Variants in ASTN2 observed in about 807,000 individuals in gnomAD.
ASTN2 encodes astrotactin-2.
A neutral mutation model predicts 139.8 loss-of-function variants in ASTN2; 54 were observed. That is an observed-to-expected ratio of 0.39 (90% CI 0.31 to 0.48). ASTN2 has a LOEUF of 0.48. ASTN2 is among the 20% of genes least tolerant of loss of function. The pLI is 0.95. For synonymous variants in ASTN2, 756 were observed against 719.5 expected (o/e 1.05, Z -0.81); for missense variants, 1,565 against 1,725.1 (o/e 0.91, Z 1.64).
chr9:116,457,801 A>G (rs1407777007), intron 20 of ASTN2, among the ~76,000 whole-genome samples: 1 of 152,160 alleles, frequency 6.6e-6, no homozygotes, highest in African/African-American at 2.4e-5. Flanking sequence ...GAGATTCCTC[A>G]AAACACTAAA....
At chr9:116,718,421 C>G (rs1228914947) in intron 16 of ASTN2, among the ~76,000 whole-genome samples, 2 of 152,128 alleles carry the variant, frequency 1.3e-5, no homozygotes, top group African/African-American at 4.8e-5. Flanking sequence ...GACAAGGCAC[C>G]TAGAAGTTTT....
Position 116,426,063 on chromosome 9 carries a change from G to A in ASTN2, c.3808C>T (p.Leu1270=). 1.2e-6 allele frequency: 2 copies of A among 1,613,676 alleles called. No individual in the cohort carries two copies. Among genetic ancestry groups the A allele is most frequent in the Non-Finnish European group, 1.7e-6 (2 of 1,180,026 alleles). Residue 1270 remains leucine, a synonymous_variant, in exon 23 of 23, where the codon CTG becomes TTG. Coordinates refer to ENST00000313400, the MANE Select transcript of ASTN2 (RefSeq NM_001365068.1). ...GAGCAGTGGCTACTCACCCTCTCCA[G>A]TCGCCGTAGAATCAGGTGGGCCTTC... The part of the protein sequence containing the change: ...PRKAHLILRR[L]ERVSSHCSSL...
At chr9:117,411,945 G>A (rs886692474) in intron 1 of ASTN2, among the ~76,000 whole-genome samples, 1 of 151,832 alleles carries the variant, frequency 6.6e-6, no homozygotes, top group Non-Finnish European at 1.5e-5. Context: ...GAAAGAGATG[G>A]CCATAAATGT....
chr9:116,656,669 A>G (rs191151071), intron 16 of ASTN2, among the ~76,000 whole-genome samples: 1 of 97,134 alleles, frequency 1.0e-5, no homozygotes, highest in African/African-American at 4.2e-5. Context: ...GCTGGGTATT[A>G]TTTTGTTGCC....
intron 2 of ASTN2, among the ~76,000 whole-genome samples, chr9:117,251,315 C>A (rs181651609): frequency 2.0e-5 from 3 of 150,702 alleles, no homozygotes; most frequent in Admixed American, 2.0e-4. Context: ...ATGCTTTGTG[C>A]GACACCCTTT....
At chr9:116,976,930 C>T (rs1303024922) in intron 7 of ASTN2, 145 bp from the exon 8 acceptor site, 1 of 659,618 alleles carries the variant, frequency 1.5e-6, no homozygotes, top group Non-Finnish European at 2.6e-6. Context: ...TGTCCATCAA[C>T]CACTGTGGTT....
intron 7 of ASTN2, among the ~76,000 whole-genome samples, chr9:116,999,215 G>A (rs1837110783): frequency 6.6e-6 from 1 of 152,162 alleles, no homozygotes; most frequent in Non-Finnish European, 1.5e-5. Context: ...AAAGGTCATA[G>A]AAACATGGAT....
intron 2 of ASTN2, among the ~76,000 whole-genome samples, chr9:117,218,816 C>T (rs1104999): frequency 0.54 from 82,566 of 151,994 alleles, 22,929 homozygotes; most frequent in African/African-American, 0.65. Context: ...TAATGCTGCA[C>T]ATATAAGCTG....
At chr9:116,666,426 T>C (rs947716970) in intron 16 of ASTN2, among the ~76,000 whole-genome samples, 2 of 152,214 alleles carry the variant, frequency 1.3e-5, no homozygotes, top group Non-Finnish European at 2.9e-5. Flanking sequence ...AGTATGAACA[T>C]TTCCTATGAC....
chr9:116,761,185 C>T (rs1318944844), intron 13 of ASTN2, among the ~76,000 whole-genome samples: 1 of 152,220 alleles, frequency 6.6e-6, no homozygotes. Context: ...CCCTTCCACT[C>T]ATCAAGTCAC....
chr9:117,348,748 T>C (rs10818026), intron 1 of ASTN2, among the ~76,000 whole-genome samples: 72,061 of 151,912 alleles, frequency 0.47, 18,348 homozygotes, highest in East Asian at 0.94. Context: ...ACTTGTATTT[T>C]ATAAGTGCCA....
At chr9:116,493,525 A>G (rs962181653) in intron 19 of ASTN2, among the ~76,000 whole-genome samples, 8 of 152,126 alleles carry the variant, frequency 5.3e-5, no homozygotes, top group African/African-American at 1.9e-4. Context: ...AATGTTAATC[A>G]TGATTCTGCT....
chr9:117,051,280 C>T (rs569724914), intron 5 of ASTN2, among the ~76,000 whole-genome samples: 23 of 151,914 alleles, frequency 1.5e-4, no homozygotes, highest in Middle Eastern at 3.4e-3. Flanking sequence ...CTTACTATGC[C>T]GGATACATTG....
intron 10 of ASTN2, among the ~76,000 whole-genome samples, chr9:116,948,958 A>AT (rs1483728932): frequency 7.3e-5 from 11 of 151,110 alleles, no homozygotes; most frequent in African/African-American, 2.4e-4. Context: ...CCATTGGCTA[A>AT]TTTTTTATTT....
At chr9:116,870,464 A>T (rs112637356) in intron 10 of ASTN2, among the ~76,000 whole-genome samples, 2 of 152,210 alleles carry the variant, frequency 1.3e-5, no homozygotes, top group Non-Finnish European at 2.9e-5. Flanking sequence ...GCTGCATGCC[A>T]CATACTGAGC....
At chr9:116,440,889 G>A in intron 21 of ASTN2, 97 bp from the exon 22 acceptor site, 1 of 1,268,860 alleles carries the variant, frequency 7.9e-7, no homozygotes, top group African/African-American at 1.5e-5. Context: ...TGGTGAGAAA[G>A]TTTGCTTGCA....
chr9:117,342,236 A>G (rs1829083593), intron 1 of ASTN2, among the ~76,000 whole-genome samples: 1 of 152,218 alleles, frequency 6.6e-6, no homozygotes, highest in South Asian at 2.1e-4. Context: ...ACATGCTAAA[A>G]TGCCAGATGG....
chr9:116,936,602 A>G (rs1444259377), intron 10 of ASTN2, among the ~76,000 whole-genome samples: 3 of 152,140 alleles, frequency 2.0e-5, no homozygotes, highest in African/African-American at 7.2e-5. Context: ...AGCACCCAAC[A>G]TGTCATCAGG....
intron 3 of ASTN2, among the ~76,000 whole-genome samples, chr9:117,188,842 G>C (rs1043053041): frequency 6.6e-6 from 1 of 152,140 alleles, no homozygotes. Context: ...GAGTCCCATG[G>C]GAGCCAGGTA....
Sources: gnomAD v4.1 joint callset for allele counts (sites outside exome capture counted in the v4.1 genomes callset) on GRCh38, gnomAD v4.1.1 for gene constraint, MANE v1.5 for transcripts, NCBI Gene and HGNC (gene_info 2026-07-23, HGNC 2026-07-21) for gene names.